The following FKBP7 variants were observed in gnomAD, a reference collection of about 807,000 sequenced individuals.
FKBP7 encodes FKBP prolyl isomerase 7, also known as peptidyl-prolyl cis-trans isomerase FKBP7.
In FKBP7, 24 loss-of-function variants were observed where a neutral mutation model predicts 24.3. The observed-to-expected ratio is 0.99, with a 90% CI of 0.72 to 1.39. The LOEUF (loss-of-function observed/expected upper bound fraction) is 1.39. Ranked by LOEUF, FKBP7 falls within the 40% of genes most tolerant of loss-of-function variation. FKBP7 has a pLI of 0.00. For missense variants in FKBP7, 257 were observed against 269.5 expected, an observed-to-expected ratio of 0.95 and a Z score of 0.33; for synonymous variants, 98 against 92.8, an observed-to-expected ratio of 1.06 and a Z score of -0.32.
Position 178,478,391 on chromosome 2 carries a change from T to C in FKBP7, c.109A>G (p.Ile37Val). The C allele has an allele frequency of 6.2e-7, 1 of 1,614,210 alleles. No individual in the cohort carries two copies. The highest frequency in any genetic ancestry group is 8.5e-7 in the Non-Finnish European group (1 of 1,180,046). ...KKEESTEEVK[I>V]EVLHRPENCS... Reference sequence around the variant, plus strand: ...TTTTCTGGACGATGCAAAACTTCTATTTTCACTTCTTCGGTGCTCTCCTCT... The same window carrying C: ...TTTTCTGGACGATGCAAAACTTCTACTTTCACTTCTTCGGTGCTCTCCTCT... The change falls in exon 1 of 4, where the codon ATA becomes GTA. Residue 37 changes from isoleucine (I) to valine (V), a missense_variant. Coordinates refer to ENST00000424785, the MANE Select transcript of FKBP7 (RefSeq NM_181342.3).
intron 3 of FKBP7, among the ~76,000 whole-genome samples, chr2:178,469,220 G>A (rs1173184674): frequency 6.6e-6 from 1 of 152,156 alleles, no homozygotes; most frequent in Non-Finnish European, 1.5e-5. Context: ...AGATACAGAC[G>A]CTAGCTGGCT....
At chr2:178,477,637 A>G (rs1404585164) in intron 1 of FKBP7, among the ~76,000 whole-genome samples, 1 of 151,928 alleles carries the variant, frequency 6.6e-6, no homozygotes, top group Non-Finnish European at 1.5e-5. Context: ...GATATAATTT[A>G]TTAAATTCTT....
intron 3 of FKBP7, among the ~76,000 whole-genome samples, chr2:178,466,248 A>G (rs1269318236): frequency 2.0e-5 from 3 of 152,166 alleles, no homozygotes; most frequent in Non-Finnish European, 4.4e-5. Context: ...ATCAAAGGAA[A>G]ATCACGCATG....
chr2:178,472,654 G>T (rs1486012197), intron 2 of FKBP7, among the ~76,000 whole-genome samples: 1 of 151,746 alleles, frequency 6.6e-6, no homozygotes, highest in African/African-American at 2.4e-5. Context: ...TTCGAGACCA[G>T]CCTGGCCAAC....
intron 2 of FKBP7, chr2:178,473,151 A>C (rs1684902427): frequency 8.4e-7 from 1 of 1,191,448 alleles, no homozygotes. Context: ...ACCTAAAATA[A>C]AGTTATAGCT....
chr2:178,467,417 TTTTG>T lies in FKBP7; in HGVS notation c.508-1490_508-1487del, dbSNP rs556335938. ...AATCTTTCTGACAATGAATAAAGTT[TTTTG>T]TTTGTTTGTTTTTGTTTTTGTTTTT... On this transcript the variant is annotated intron_variant, in intron 3 of 3. Coordinates refer to ENST00000424785, the MANE Select transcript of FKBP7 (RefSeq NM_181342.3). 9.9e-5 allele frequency among the ~76,000 whole-genome samples: 15 copies of T among 152,280 alleles called. No individual in the cohort carries two copies. In the East Asian group the frequency reaches 2.1e-3, roughly 22 times the overall value.
intron 3 of FKBP7, 104 bp downstream of exon 3, chr2:178,469,548 C>G: frequency 8.5e-7 from 1 of 1,177,912 alleles, no homozygotes; most frequent in Non-Finnish European, 1.2e-6. Context: ...AAGCAGTGAT[C>G]AGAGCCCATG....
At chr2:178,471,945 A>G (rs16866334) in intron 2 of FKBP7, among the ~76,000 whole-genome samples, 28,624 of 152,210 alleles carry the variant, frequency 0.19, 3,332 homozygotes, top group East Asian at 0.62. Flanking sequence ...TAGAAGAGCT[A>G]GAGATTGAGT....
chr2:178,477,280 A>G, intron 1 of FKBP7, 67 bp from the exon 2 acceptor site: 2 of 1,533,174 alleles, frequency 1.3e-6, no homozygotes, highest in Non-Finnish European at 8.9e-7. Context: ...ACAGCTGGGC[A>G]TTTAAAATTG....
At position 178,465,029 on chromosome 2, in the gene FKBP7, G is replaced by A. The variant is rs1440391865; in HGVS notation, c.*741C>T. On this transcript the variant is annotated 3_prime_UTR_variant, in exon 4 of 4. Transcript: ENST00000424785. The stretch of plus-strand genomic sequence containing the variant: ...CTTGGGGTGGCAGACATCTTATAAA[G>A]GTTTACAAGAGGGAAGAGGAGTTGC... The A allele has an allele frequency of 6.6e-6, 1 of 152,142 alleles. No homozygotes were observed. The highest frequency in any genetic ancestry group is 1.5e-5 in the Non-Finnish European group (1 of 68,020). The allele number at this position is 152,142 out of a possible 1,614,324, so 9.4% of individuals were successfully genotyped here. A position where few individuals can be genotyped will look rare whatever the true frequency, so the allele number is the denominator to read the frequency against.
chr2:178,468,483 T>C (rs1162208515), intron 3 of FKBP7, among the ~76,000 whole-genome samples: 1 of 149,164 alleles, frequency 6.7e-6, no homozygotes, highest in Non-Finnish European at 1.5e-5. Context: ...TGAGACTCCA[T>C]CTCTTAAAAA....
At position 178,465,196 on chromosome 2, in the gene FKBP7, C is replaced by T. The variant is rs1684619492; in HGVS notation, c.*574G>A. 6.6e-6 allele frequency: 1 copy of T among 152,128 alleles called. No individual in the cohort carries two copies. The highest frequency in any genetic ancestry group is 2.1e-4 in the South Asian group (1 of 4,826). 9.4% of individuals were successfully genotyped at this position (152,128 alleles called of 1,614,324 possible). On this transcript the variant is annotated 3_prime_UTR_variant, in exon 4 of 4. Coordinates refer to ENST00000424785, the MANE Select transcript of FKBP7 (RefSeq NM_181342.3). Reference sequence around the variant, plus strand: ...AAATACCCAAGGCTAGAAGCTTACACCAAAAAGTTTAGAGACTGTGTTGCG... The same window carrying T: ...AAATACCCAAGGCTAGAAGCTTACATCAAAAAGTTTAGAGACTGTGTTGCG...
rs767299112 is a variant in FKBP7, at chr2:178,465,875, T to G, written c.564A>C (p.Ser188=). The change falls in exon 4 of 4, where the codon TCA becomes TCC. Residue 188 remains serine, a synonymous_variant. Transcript: ENST00000424785. The stretch of plus-strand genomic sequence containing the variant: ...TATCTTCTAAAACTGCATCCTGATA[T>G]GACTTGTCACGTGGCTTCTCATCTT... ...FEKDEKPRDK[S]YQDAVLEDIF... The G allele has an allele frequency of 1.9e-6, 3 of 1,610,904 alleles. No homozygotes were observed. The highest frequency in any genetic ancestry group is 1.7e-6 in the Non-Finnish European group (2 of 1,178,894).
At chr2:178,472,927 T>TAAAATATAA in intron 2 of FKBP7, 5 of 220,224 alleles carry the variant, frequency 2.3e-5, no homozygotes, top group South Asian at 1.2e-4. Flanking sequence ...TAAAAAAAAC[T>TAAAATATAA]AAAGTATAAA....
chr2:178,472,264 G>A (rs780092531), intron 2 of FKBP7, among the ~76,000 whole-genome samples: 9 of 151,742 alleles, frequency 5.9e-5, no homozygotes, highest in Non-Finnish European at 1.0e-4. Context: ...TAGTAGATAC[G>A]GGGTTTCACT....
Position 178,477,057 on chromosome 2 carries a change from CT to C in FKBP7, c.373+4del. The C allele has an allele frequency of 6.4e-7, 1 of 1,571,604 alleles. No individual in the cohort carries two copies. Among genetic ancestry groups the C allele is most frequent in the South Asian group, 1.2e-5 (1 of 84,040 alleles). ...AAAACAAGAAATTAAAATTAAACAT[CT>C]TACCATAGCCTTCCTTTCCGTATGC... On this transcript the variant is annotated splice_donor_region_variant and intron_variant, in intron 2 of 3. Transcript: ENST00000424785.
At chr2:178,466,229 GTTCCTA>G (rs761170475) in intron 3 of FKBP7, among the ~76,000 whole-genome samples, 11 of 152,108 alleles carry the variant, frequency 7.2e-5, no homozygotes, top group Non-Finnish European at 1.5e-4. Context: ...AATCCATGCT[GTTCCTA>G]TTATCAAAGG....
chr2:178,474,040 C>A (rs763899191), intron 2 of FKBP7, among the ~76,000 whole-genome samples: 1 of 152,200 alleles, frequency 6.6e-6, no homozygotes, highest in Non-Finnish European at 1.5e-5. Flanking sequence ...ACCCGCCAAT[C>A]CAGTGTGGGG....
At chr2:178,471,157 G>A (rs1684839181) in intron 2 of FKBP7, among the ~76,000 whole-genome samples, 1 of 151,542 alleles carries the variant, frequency 6.6e-6, no homozygotes, top group Non-Finnish European at 1.5e-5. Flanking sequence ...GAGCCACTGT[G>A]CCTGGCCAGA....
Sources: gnomAD v4.1 joint callset for allele counts (sites outside exome capture counted in the v4.1 genomes callset) on GRCh38, gnomAD v4.1.1 for gene constraint, MANE v1.5 for transcripts, NCBI Gene and HGNC (gene_info 2026-07-23, HGNC 2026-07-21) for gene names.